The following PPFIA2 variants were observed in gnomAD, a reference collection of about 807,000 sequenced individuals.
The protein encoded by PPFIA2 is PPFI scaffold protein A2, also known as liprin-alpha-2.
A neutral mutation model predicts 175.5 loss-of-function variants in PPFIA2; 46 were observed. The observed-to-expected ratio is 0.26, with a 90% CI of 0.21 to 0.34. PPFIA2 has a LOEUF of 0.34. Ranked by LOEUF, PPFIA2 falls within the 10% of genes least tolerant of loss-of-function variation. The pLI, the probability that PPFIA2 is intolerant of heterozygous loss-of-function variation, is 1.00. For missense variants in PPFIA2, 1,179 were observed against 1,506.1 expected (o/e 0.78, Z 3.60); for synonymous variants, 568 against 511.4 (o/e 1.11, Z -1.49).
At chr12:81,369,932 T>C (rs1285441230) in intron 11 of PPFIA2, among the ~76,000 whole-genome samples, 1 of 151,734 alleles carries the variant, frequency 6.6e-6, no homozygotes, top group Non-Finnish European at 1.5e-5. Context: ...AATAAAAAGC[T>C]ATCAACCTAA....
intron 16 of PPFIA2, among the ~76,000 whole-genome samples, chr12:81,356,108 C>T (rs2060812088): frequency 1.3e-5 from 2 of 152,142 alleles, no homozygotes; most frequent in Admixed American, 6.6e-5. Context: ...CTTACTTTCA[C>T]TTGAACACTT....
At chr12:81,426,454 G>C (rs2047150483) in intron 7 of PPFIA2, among the ~76,000 whole-genome samples, 1 of 152,120 alleles carries the variant, frequency 6.6e-6, no homozygotes, top group Non-Finnish European at 1.5e-5. Context: ...TCCTGAACTT[G>C]CAGTTGGTAT....
intron 29 of PPFIA2, 77 bp downstream of exon 29, chr12:81,267,835 G>A: frequency 7.4e-7 from 1 of 1,343,994 alleles, no homozygotes; most frequent in Non-Finnish European, 1.0e-6. Flanking sequence ...TGAATACACA[G>A]CCAATTTTTT....
At chr12:81,673,769 T>C (rs2071906718) in intron 4 of PPFIA2, among the ~76,000 whole-genome samples, 1 of 152,040 alleles carries the variant, frequency 6.6e-6, no homozygotes, top group South Asian at 2.1e-4. Context: ...GCAAGTTGTG[T>C]TTGCTGCTAC....
intron 4 of PPFIA2, among the ~76,000 whole-genome samples, chr12:81,606,895 T>C (rs1167947969): frequency 1.3e-5 from 2 of 152,162 alleles, no homozygotes; most frequent in South Asian, 2.1e-4. Flanking sequence ...CCAATGCCGA[T>C]GTTGAGAATG....
chr12:81,557,992 G>A (rs1404794616), intron 4 of PPFIA2, among the ~76,000 whole-genome samples: 2 of 151,954 alleles, frequency 1.3e-5, no homozygotes, highest in Admixed American at 6.6e-5. Context: ...TGGAATTGGT[G>A]GTCCTGTCTC....
chr12:81,286,379 G>A (rs1013038323), intron 24 of PPFIA2, among the ~76,000 whole-genome samples: 1 of 151,944 alleles, frequency 6.6e-6, no homozygotes, highest in Non-Finnish European at 1.5e-5. Context: ...TATTCACTAA[G>A]TGCCCTATTC....
At chr12:81,604,723 TAC>T (rs776980601) in intron 4 of PPFIA2, among the ~76,000 whole-genome samples, 52 of 151,832 alleles carry the variant, frequency 3.4e-4, no homozygotes, top group Non-Finnish European at 6.9e-4. Context: ...TTTTAATCGC[TAC>T]AGACAGACCA....
At chr12:81,508,806 T>G (rs1424823620) in intron 4 of PPFIA2, among the ~76,000 whole-genome samples, 1 of 121,070 alleles carries the variant, frequency 8.3e-6, no homozygotes, top group Non-Finnish European at 1.6e-5. Flanking sequence ...GATGTTCCCC[T>G]TCCTGTGTCC....
chr12:81,375,662 T>G, intron 10 of PPFIA2, 134 bp downstream of exon 10: 1 of 895,110 alleles, frequency 1.1e-6, no homozygotes, highest in Non-Finnish European at 1.7e-6. Flanking sequence ...CGTATTTGTT[T>G]TGCTAGAGAA....
chr12:81,651,674 A>C (rs1196772508), intron 4 of PPFIA2, among the ~76,000 whole-genome samples: 1 of 152,274 alleles, frequency 6.6e-6, no homozygotes, highest in Non-Finnish European at 1.5e-5. Flanking sequence ...CTCACATAAC[A>C]GTGAAATGCA....
chr12:81,609,900 G>A (rs1391492723), intron 4 of PPFIA2, among the ~76,000 whole-genome samples: 2 of 152,090 alleles, frequency 1.3e-5, no homozygotes, highest in Non-Finnish European at 1.5e-5. Flanking sequence ...TGTTTTTGTG[G>A]TAGCAGGTTT....
At chr12:81,275,358 C>T (rs1428621128) in intron 28 of PPFIA2, among the ~76,000 whole-genome samples, 2 of 152,208 alleles carry the variant, frequency 1.3e-5, no homozygotes, top group Non-Finnish European at 1.5e-5. Flanking sequence ...ATGAGACGTA[C>T]GTAGAAAACT....
At chr12:81,598,787 A>G (rs1275717422) in intron 4 of PPFIA2, among the ~76,000 whole-genome samples, 2 of 151,844 alleles carry the variant, frequency 1.3e-5, no homozygotes, top group Non-Finnish European at 2.9e-5. Context: ...TGTACCAAAT[A>G]TTTTCCACTT....
chr12:81,637,290 G>T (rs2064227717), intron 4 of PPFIA2, among the ~76,000 whole-genome samples: 1 of 98,424 alleles, frequency 1.0e-5, no homozygotes, highest in Non-Finnish European at 1.8e-5. Context: ...TTTTAGTAGA[G>T]ATGGGGTTTC....
At chr12:81,357,405 G>C (rs142109765) in intron 16 of PPFIA2, among the ~76,000 whole-genome samples, 26 of 152,220 alleles carry the variant, frequency 1.7e-4, no homozygotes, top group African/African-American at 6.0e-4. Flanking sequence ...AATAAAAGTG[G>C]TTGAAAGAAT....
At chr12:81,444,076 G>C (rs964599292) in intron 6 of PPFIA2, among the ~76,000 whole-genome samples, 3 of 151,172 alleles carry the variant, frequency 2.0e-5, no homozygotes, top group Non-Finnish European at 4.4e-5. Flanking sequence ...GGATGGTCTC[G>C]ATCTCCTGAC....
rs1445455396 is a variant in PPFIA2, at chr12:81,375,954, A to G, written c.985-12T>C. 1.9e-6 allele frequency: 3 copies of G among 1,603,418 alleles called. No individual in the cohort carries two copies. Among genetic ancestry groups the G allele is most frequent in the Non-Finnish European group, 2.6e-6 (3 of 1,175,162 alleles). On this transcript the variant is annotated splice_polypyrimidine_tract_variant and intron_variant, in intron 9 of 32. Coordinates refer to ENST00000549396, the MANE Select transcript of PPFIA2 (RefSeq NM_003625.5). ...TTTTGTGCCATGGCCTACAATTAAA[A>G]TAATTTAGAAAAAGCAAATCAGATT... is the stretch of plus-strand genomic sequence containing the variant.
intron 4 of PPFIA2, among the ~76,000 whole-genome samples, chr12:81,488,290 G>A (rs887891103): frequency 4.0e-5 from 6 of 151,724 alleles, no homozygotes; most frequent in African/African-American, 7.2e-5. Context: ...AGTGTACTAC[G>A]TTCTCATCTG....
Sources: gnomAD v4.1 joint callset for allele counts (sites outside exome capture counted in the v4.1 genomes callset) on GRCh38, gnomAD v4.1.1 for gene constraint, MANE v1.5 for transcripts, NCBI Gene and HGNC (gene_info 2026-07-23, HGNC 2026-07-21) for gene names.